Variants in DDX42 observed in about 807,000 individuals in gnomAD.
The protein encoded by DDX42 is ATP-dependent RNA helicase DDX42.
A neutral mutation model predicts 101.5 loss-of-function variants in DDX42; 22 were observed. That is an observed-to-expected ratio of 0.22 (90% CI 0.15 to 0.31). The LOEUF (loss-of-function observed/expected upper bound fraction) is 0.31. DDX42 is among the 10% of genes least tolerant of loss of function. The probability of loss-of-function intolerance (pLI) is 1.00; values close to 1 mark genes in which losing one functional copy is unlikely to be tolerated. For synonymous variants in DDX42, 402 were observed against 401.2 expected, an observed-to-expected ratio of 1.00 and a Z score of -0.02; for missense variants, 849 against 1,199.9, an observed-to-expected ratio of 0.71 and a Z score of 4.32.
chr17:63,789,692 G>C (rs916405164), intron 2 of DDX42, among the ~76,000 whole-genome samples: 16 of 150,754 alleles, frequency 1.1e-4, no homozygotes, highest in Admixed American at 9.3e-4. Flanking sequence ...TCCTGTCTCA[G>C]CCTCCTTAGT....
At chr17:63,782,022 TAAAA>T (rs904781499) in intron 1 of DDX42, among the ~76,000 whole-genome samples, 1 of 147,280 alleles carries the variant, frequency 6.8e-6, no homozygotes, top group Non-Finnish European at 1.5e-5. Flanking sequence ...AAAATAAAAA[TAAAA>T]AAAGAATTGT....
At chr17:63,804,459 A>T (rs1169194000) in intron 6 of DDX42, among the ~76,000 whole-genome samples, 1 of 152,224 alleles carries the variant, frequency 6.6e-6, no homozygotes, top group East Asian at 1.9e-4. Flanking sequence ...CCATGTTTTT[A>T]AACAGAATAG....
chr17:63,812,747 G>A (rs1047319407), intron 14 of DDX42, among the ~76,000 whole-genome samples: 4 of 152,104 alleles, frequency 2.6e-5, no homozygotes, highest in African/African-American at 4.8e-5. Context: ...AGTCCCAGTC[G>A]GGCACGGTGG....
chr17:63,790,260 C>T (rs1015769645), intron 2 of DDX42, among the ~76,000 whole-genome samples: 5 of 152,074 alleles, frequency 3.3e-5, no homozygotes, highest in Admixed American at 2.0e-4. Context: ...TAGTATATAG[C>T]GTGAGTATGC....
chr17:63,805,030 C>T, intron 6 of DDX42, 41 bp from the exon 7 acceptor site: 1 of 1,568,112 alleles, frequency 6.4e-7, no homozygotes. Flanking sequence ...ACAGAATTGA[C>T]TCTTGAATTC....
At chr17:63,803,343 C>CT (rs2039796405) in intron 6 of DDX42, among the ~76,000 whole-genome samples, 2 of 152,126 alleles carry the variant, frequency 1.3e-5, no homozygotes, top group Admixed American at 1.3e-4. Context: ...AATTCCAGCA[C>CT]TTTGGGAGGC....
intron 1 of DDX42, among the ~76,000 whole-genome samples, chr17:63,780,464 G>A (rs2039474731): frequency 6.6e-6 from 1 of 152,148 alleles, no homozygotes; most frequent in Admixed American, 6.5e-5. Flanking sequence ...ATTTTGGAGA[G>A]CCTGAATACA....
intron 1 of DDX42, among the ~76,000 whole-genome samples, chr17:63,784,859 TATGCACAAAG>T (rs2039527484): frequency 6.6e-6 from 1 of 152,182 alleles, no homozygotes; most frequent in South Asian, 2.1e-4. Context: ...TAATTGAAGG[TATGCACAAAG>T]ATGTAGCTAT....
intron 15 of DDX42, 115 bp downstream of exon 15, chr17:63,813,569 T>A: frequency 2.4e-6 from 2 of 848,962 alleles, no homozygotes; most frequent in Non-Finnish European, 3.7e-6. Flanking sequence ...TAGGAGGATG[T>A]GGGGCTTATG....
At chr17:63,787,535 A>G (rs1177449662) in intron 2 of DDX42, among the ~76,000 whole-genome samples, 3 of 152,128 alleles carry the variant, frequency 2.0e-5, no homozygotes, top group East Asian at 1.9e-4. Flanking sequence ...ATTAGAAGCC[A>G]TTGAAACAGG....
intron 10 of DDX42, 50 bp from the exon 11 acceptor site, chr17:63,809,510 C>T: frequency 6.8e-7 from 1 of 1,481,356 alleles, no homozygotes; most frequent in South Asian, 1.1e-5. Context: ...TTAGAAAGTC[C>T]CTGTGAATGC....
intron 3 of DDX42, among the ~76,000 whole-genome samples, chr17:63,792,805 G>C (rs572174971): frequency 6.6e-6 from 1 of 152,062 alleles, no homozygotes; most frequent in African/African-American, 2.4e-5. Flanking sequence ...AGACGTATAT[G>C]TGTGTATGTA....
intron 8 of DDX42, among the ~76,000 whole-genome samples, 155 bp from the exon 9 acceptor site, chr17:63,807,569 A>G (rs2039857880): frequency 6.6e-6 from 1 of 152,224 alleles, no homozygotes. Context: ...TTGGATATTG[A>G]TATTTCTATT....
At chr17:63,799,997 T>A (rs2039742690) in intron 5 of DDX42, among the ~76,000 whole-genome samples, 1 of 152,220 alleles carries the variant, frequency 6.6e-6, no homozygotes, top group Non-Finnish European at 1.5e-5. Flanking sequence ...CTGTTTGTGG[T>A]TCTTGTATTT....
intron 14 of DDX42, among the ~76,000 whole-genome samples, chr17:63,812,624 A>G (rs1247088731): frequency 6.6e-6 from 1 of 152,182 alleles, no homozygotes; most frequent in Non-Finnish European, 1.5e-5. Context: ...ACCCTTAAAC[A>G]CTGATATTTT....
intron 1 of DDX42, among the ~76,000 whole-genome samples, chr17:63,775,625 A>G (rs1783995235): frequency 6.6e-6 from 1 of 152,158 alleles, no homozygotes; most frequent in Non-Finnish European, 1.5e-5. Flanking sequence ...AGAATAACAA[A>G]CATAAAAGCC....
rs2039386796 is a variant in DDX42 at position 63,774,296 on chromosome 17, C to T, written c.-97C>T. 7.2e-6 allele frequency: 2 copies of T among 278,874 alleles called. No homozygotes were observed. The highest frequency in any genetic ancestry group is 9.6e-5 in the South Asian group (1 of 10,422). The allele number at this position is 278,874 out of a possible 1,614,324, so 17.3% of individuals were successfully genotyped here. ...GAGGAAGGAGCGCGGCGGGACCGGG[C>T]CGGGACAGCGCGTACTTTGGGCTCC... On this transcript the variant is annotated 5_prime_UTR_variant, in exon 1 of 18. Coordinates refer to ENST00000389924, the MANE Select transcript of DDX42 (RefSeq NM_203499.3).
intron 1 of DDX42, 93 bp downstream of exon 1, chr17:63,774,469 C>T (rs2039390379): frequency 5.0e-6 from 1 of 198,586 alleles, no homozygotes; most frequent in Non-Finnish European, 1.0e-5. Flanking sequence ...GAACCGCGGC[C>T]TCGCTTAACA....
intron 15 of DDX42, among the ~76,000 whole-genome samples, chr17:63,814,914 C>G (rs1371189429): frequency 6.6e-6 from 1 of 152,096 alleles, no homozygotes; most frequent in African/African-American, 2.4e-5. Context: ...GGTCTTGACT[C>G]CTGGCCTCAA....
Sources: allele counts gnomAD v4.1 joint callset (sites outside exome capture counted in the v4.1 genomes callset), GRCh38; gene constraint gnomAD v4.1.1; transcripts MANE v1.5; gene names NCBI Gene and HGNC (gene_info 2026-07-23, HGNC 2026-07-21).